Variants in ATG2B observed in about 807,000 individuals in gnomAD.
The protein encoded by ATG2B is autophagy related 2B, also known as autophagy-related protein 2 homolog B.
ATG2B carries 121 observed loss-of-function variants against 241.3 expected under a neutral mutation model. The observed-to-expected ratio is 0.50, with a 90% confidence interval of 0.43 to 0.58. The LOEUF (loss-of-function observed/expected upper bound fraction) is 0.58, where lower values mean the gene tolerates loss of function less well. Among genes scored for constraint, ATG2B ranks in the 20% least tolerant of loss-of-function variants. ATG2B has a pLI of 0.00. For missense variants in ATG2B, 2,306 were observed against 2,491.6 expected, an observed-to-expected ratio of 0.93 and a Z score of 1.59; for synonymous variants, 858 against 876.6, an observed-to-expected ratio of 0.98 and a Z score of 0.37.
intron 16 of ATG2B, among the ~76,000 whole-genome samples, chr14:96,323,381 T>C (rs1887507727): frequency 6.6e-6 from 1 of 152,224 alleles, no homozygotes; most frequent in Admixed American, 6.5e-5. Context: ...GACTTTTCAT[T>C]CTCCTTTGAT....
At position 96,285,736 on chromosome 14, in the gene ATG2B, CACT is replaced by C; in HGVS notation, c.*16_*18del. On this transcript the variant is annotated 3_prime_UTR_variant, in exon 42 of 42. Transcript: ENST00000359933. This position sits in a 1 kb window ranked among gnomAD's most constrained non-coding sequence, Gnocchi z 4.2. ...CCTGGTTCCACTCTCCTTATCTTCACACTGTCAGTTCCAAGCCATCAGTCATCC... is the reference window on the plus strand; with the variant it reads ...CCTGGTTCCACTCTCCTTATCTTCACGTCAGTTCCAAGCCATCAGTCATCC... 6.2e-7 allele frequency: 1 copy of C among 1,610,962 alleles called. No homozygotes were observed.
At chr14:96,331,274 A>G in intron 11 of ATG2B, 102 bp downstream of exon 11, 1 of 1,137,768 alleles carries the variant, frequency 8.8e-7, no homozygotes, top group East Asian at 2.4e-5. Flanking sequence ...AGAAAAACAA[A>G]TGCAGATAGG....
intron 5 of ATG2B, among the ~76,000 whole-genome samples, chr14:96,342,180 CTGTTT>C (rs1227174182): frequency 6.6e-6 from 1 of 151,018 alleles, no homozygotes; most frequent in East Asian, 1.9e-4. Context: ...TTAATTTCCT[CTGTTT>C]TGATTGTAAA....
intron 18 of ATG2B, chr14:96,318,116 T>C (rs145212841): frequency 0.011 from 3,082 of 287,758 alleles, 24 homozygotes; most frequent in Non-Finnish European, 0.015. Context: ...CTTGCCTAAT[T>C]TTACCTATGT....
At chr14:96,362,241 G>T (rs1479250510) in intron 1 of ATG2B, among the ~76,000 whole-genome samples, 1 of 152,112 alleles carries the variant, frequency 6.6e-6, no homozygotes, top group Non-Finnish European at 1.5e-5. Context: ...TCACAGGCTG[G>T]ATACACAAAC....
At chr14:96,349,074 T>C (rs1888246127) in intron 1 of ATG2B, among the ~76,000 whole-genome samples, 2 of 152,202 alleles carry the variant, frequency 1.3e-5, no homozygotes, top group South Asian at 2.1e-4. Context: ...TAATAGAACC[T>C]AACCTGCAGA....
At chr14:96,359,140 C>A (rs755101815) in intron 1 of ATG2B, among the ~76,000 whole-genome samples, 1 of 151,854 alleles carries the variant, frequency 6.6e-6, no homozygotes, top group Non-Finnish European at 1.5e-5. Flanking sequence ...GGGAGGCCGA[C>A]ATGGGCAGAC....
intron 12 of ATG2B, 67 bp from the exon 13 acceptor site, chr14:96,328,833 A>C (rs1352275468): frequency 1.6e-6 from 2 of 1,217,836 alleles, no homozygotes; most frequent in Non-Finnish European, 2.3e-6. Context: ...TGCCCATACA[A>C]TAATGAGAAA....
At chr14:96,341,120 C>G (rs1044179476) in intron 6 of ATG2B, among the ~76,000 whole-genome samples, 1 of 152,084 alleles carries the variant, frequency 6.6e-6, no homozygotes, top group Non-Finnish European at 1.5e-5. Context: ...AAAACATCTT[C>G]TACAGATTTC....
chr14:96,345,937 C>T (rs1888157924), intron 2 of ATG2B, among the ~76,000 whole-genome samples: 1 of 152,056 alleles, frequency 6.6e-6, no homozygotes, highest in Admixed American at 6.5e-5. Flanking sequence ...TTTACTAACC[C>T]TGCTGTTGAA....
In ATG2B at chr14:96,289,438, C is replaced by T. The variant is rs542343678; in HGVS notation, c.6006+218G>A. ...CTGCAGGTGAAGAGAGAGAATCCAT[C>T]CACCCACGCAATCACTAGTATTCCT... On this transcript the variant is annotated intron_variant, in intron 41 of 41. Transcript: ENST00000359933. This position sits in a 1 kb window ranked among gnomAD's most constrained non-coding sequence, Gnocchi z 4.3. 6.1e-5 allele frequency: 28 copies of T among 459,342 alleles called. No individual in the cohort carries two copies. The highest frequency in any genetic ancestry group is 5.3e-4 in the African/African-American group (27 of 51,124). The allele number at this position is 459,342 out of a possible 1,614,324, so 28.5% of individuals were successfully genotyped here.
In ATG2B at chr14:96,362,915, T is replaced by C. The variant is rs1301886505; in HGVS notation, c.62A>G (p.Tyr21Cys). ...CTTCTCCTGCAGAAAGTGGCCCAGG[T>C]ACCTCTGCAGGAGGTACCGGCAGGC... ...KRACRYLLQR[Y>C]LGHFLQEKLS... The change falls in exon 1 of 42, where the codon TAC (tyrosine) becomes TGC (cysteine). Residue 21 changes from tyrosine to cysteine, a missense_variant. Tyr to Cys is a radical substitution (Grantham distance 194). Coordinates refer to ENST00000359933, the MANE Select transcript of ATG2B (RefSeq NM_018036.7). 3 of 1,613,538 alleles carry C rather than the reference T, an allele frequency of 1.9e-6. No individual in the cohort carries two copies. Among genetic ancestry groups the C allele is most frequent in the East Asian group, 2.2e-5 (1 of 44,878 alleles).
chr14:96,317,311 T>C lies in ATG2B; in HGVS notation c.3044A>G (p.Glu1015Gly), dbSNP rs775526006. Residue 1015 changes from glutamate (E) to glycine (G), a missense_variant, in exon 20 of 42, where the codon GAA (glutamate) becomes GGA (glycine). Around this residue, in one of 2 missense-constraint regions of ATG2B, gnomAD observed 1,927 missense variants for 2,011.2 expected, o/e 0.96. Coordinates refer to ENST00000359933, the MANE Select transcript of ATG2B (RefSeq NM_018036.7). ...CAAAGTCTCCTCCTCAGATCCACTTTCCTCATCTATGAGAAATAAACATAC... is the reference window on the plus strand; with the variant it reads ...CAAAGTCTCCTCCTCAGATCCACTTCCCTCATCTATGAGAAATAAACATAC... ...AFKSAVHYDE[E>G]SGSEEETLQY... The C allele has an allele frequency of 6.2e-6, 10 of 1,608,860 alleles. No individual in the cohort carries two copies. The African/African-American group carries it at 1.2e-4, about 19-fold the overall frequency.
chr14:96,349,976 C>G (rs548976463), intron 1 of ATG2B, among the ~76,000 whole-genome samples: 1 of 152,190 alleles, frequency 6.6e-6, no homozygotes, highest in African/African-American at 2.4e-5. Flanking sequence ...GGCAACACAT[C>G]AAAACCCTGA....
At position 96,304,591 on chromosome 14, in the gene ATG2B, A is replaced by C. The variant is rs369023445; in HGVS notation, c.4746T>G (p.Ser1582Arg). 1.3e-6 allele frequency: 2 copies of C among 1,596,388 alleles called. No homozygotes were observed. Among genetic ancestry groups the C allele is most frequent in the Non-Finnish European group, 1.7e-6 (2 of 1,170,650 alleles). The change falls in exon 32 of 42, where the codon AGT becomes AGG. Residue 1582 changes from serine (S) to arginine (R), a missense_variant. Physicochemically the swap from Ser to Arg is moderately radical, Grantham distance 110. This residue lies in a region of ATG2B where 1,927 missense variants were observed against 2,011.2 expected (regional missense o/e 0.96). Transcript: ENST00000359933. ...SPAKSYISPH[S>R]SPSHTPTRHG... is the part of the protein sequence containing the mutation. Reference sequence around the variant, plus strand: ...GTCTCGTGGGTGTGTGAGAAGGCGAACTGTGGGGACTACTAAAAATGAGCA... The same window carrying C: ...GTCTCGTGGGTGTGTGAGAAGGCGACCTGTGGGGACTACTAAAAATGAGCA...
chr14:96,300,151 C>T (rs1178224615), intron 34 of ATG2B, among the ~76,000 whole-genome samples: 1 of 152,126 alleles, frequency 6.6e-6, no homozygotes, highest in Non-Finnish European at 1.5e-5. Flanking sequence ...AGATTAATAA[C>T]TCTCCACTTT....
intron 15 of ATG2B, among the ~76,000 whole-genome samples, chr14:96,325,056 G>GA (rs1887554379): frequency 6.6e-6 from 1 of 152,010 alleles, no homozygotes; most frequent in South Asian, 2.1e-4. Flanking sequence ...AAGTAATGCA[G>GA]AAAAAATCAA....
chr14:96,346,673 AG>A (rs1475553679), intron 2 of ATG2B, among the ~76,000 whole-genome samples: 4 of 152,216 alleles, frequency 2.6e-5, no homozygotes, highest in Non-Finnish European at 5.9e-5. Context: ...GCTATAAAGA[AG>A]AGCATTCCTT....
chr14:96,351,386 G>A (rs367832967), intron 1 of ATG2B, among the ~76,000 whole-genome samples: 4 of 152,164 alleles, frequency 2.6e-5, no homozygotes, highest in African/African-American at 9.7e-5. Flanking sequence ...AGGATTGCTT[G>A]AGTCCAGGAA....
Sources: allele counts gnomAD v4.1 joint callset (sites outside exome capture counted in the v4.1 genomes callset), GRCh38; gene constraint gnomAD v4.1.1; regional missense constraint gnomAD v4.1.1; non-coding constraint Gnocchi (gnomAD v3.1); transcripts MANE v1.5; gene names NCBI Gene and HGNC (gene_info 2026-07-23, HGNC 2026-07-21).